Variants in NPEPPS observed in about 807,000 individuals in gnomAD.
The protein encoded by NPEPPS is puromycin-sensitive aminopeptidase.
NPEPPS carries 14 observed loss-of-function variants against 115.5 expected under a neutral mutation model. The observed-to-expected ratio is 0.12, with a 90% confidence interval of 0.08 to 0.19. NPEPPS has a LOEUF of 0.19. Ranked by LOEUF, NPEPPS falls within the 10% of genes least tolerant of loss-of-function variation. The pLI, the probability that NPEPPS is intolerant of heterozygous loss-of-function variation, is 1.00. For synonymous variants in NPEPPS, 285 were observed against 390.6 expected, an observed-to-expected ratio of 0.73 and a Z score of 3.19; for missense variants, 523 against 1,110.8, an observed-to-expected ratio of 0.47 and a Z score of 7.52.
intron 2 of NPEPPS, among the ~76,000 whole-genome samples, chr17:47,566,621 T>A (rs1910836108): frequency 6.6e-6 from 1 of 150,700 alleles, no homozygotes; most frequent in South Asian, 2.1e-4. Context: ...TGCCTCAGCC[T>A]CCCAAGTAGC....
intron 1 of NPEPPS, among the ~76,000 whole-genome samples, chr17:47,534,722 T>C (rs1304357280): frequency 6.6e-6 from 1 of 151,664 alleles, no homozygotes; most frequent in Non-Finnish European, 1.5e-5. Context: ...GTGTGTGCCA[T>C]CACGCCCAAC....
intron 3 of NPEPPS, among the ~76,000 whole-genome samples, chr17:47,577,588 G>T (rs1395627097): frequency 1.3e-5 from 2 of 151,944 alleles, no homozygotes; most frequent in African/African-American, 4.8e-5. Flanking sequence ...AAAGAAAAAA[G>T]TATTCATTGT....
intron 19 of NPEPPS, among the ~76,000 whole-genome samples, chr17:47,618,035 G>A (rs1352980713): frequency 6.6e-6 from 1 of 151,702 alleles, no homozygotes; most frequent in East Asian, 1.9e-4. Flanking sequence ...CACCACGCCC[G>A]GCTAATTTTT....
intron 2 of NPEPPS, among the ~76,000 whole-genome samples, chr17:47,565,039 C>T (rs1487412931): frequency 6.6e-6 from 1 of 152,064 alleles, no homozygotes; most frequent in East Asian, 1.9e-4. Flanking sequence ...ACACTATGTG[C>T]CAGAAACTGC....
chr17:47,595,488 C>T (rs917907406), intron 12 of NPEPPS, among the ~76,000 whole-genome samples: 4 of 152,158 alleles, frequency 2.6e-5, no homozygotes, highest in African/African-American at 9.7e-5. Flanking sequence ...ATCTGTTTAT[C>T]TTTTATTATA....
chr17:47,611,575 C>T (rs1206102241), intron 17 of NPEPPS, among the ~76,000 whole-genome samples: 4 of 152,086 alleles, frequency 2.6e-5, no homozygotes, highest in African/African-American at 7.2e-5. Context: ...TGGGCTCAAG[C>T]GATCCTCCCT....
At position 47,593,284 on chromosome 17, in the gene NPEPPS, G is replaced by A. The variant is rs112846668; in HGVS notation, c.1426+739G>A. Among the ~76,000 whole-genome samples, 6 of 152,142 alleles carry A rather than the reference G, an allele frequency of 3.9e-5. 1 individual carries two copies. The South Asian group carries it at 8.3e-4, about 21-fold the overall frequency. ...TTTGCCAACTTAAAGAGTCTGGGCC[G>A]GGTGTGGTGGCTCACGCCTGTAATC... On this transcript the variant is annotated intron_variant, in intron 12 of 22. Transcript: ENST00000322157.
chr17:47,553,397 T>C (rs1181264864), intron 2 of NPEPPS, among the ~76,000 whole-genome samples: 1 of 151,840 alleles, frequency 6.6e-6, no homozygotes, highest in East Asian at 1.9e-4. Flanking sequence ...CCAGTAATTA[T>C]GATTCATTCT....
upstream of NPEPPS, among the ~76,000 whole-genome samples, chr17:47,530,395 C>A (rs1158699243): frequency 3.9e-5 from 5 of 128,040 alleles, 1 homozygote; most frequent in South Asian, 1.2e-3. Flanking sequence ...CTTGCTCTGT[C>A]GCCCAGGCTG....
chr17:47,530,536 T>C (rs544095873), upstream of NPEPPS, among the ~76,000 whole-genome samples: 4 of 151,310 alleles, frequency 2.6e-5, no homozygotes, highest in South Asian at 8.3e-4. Context: ...TTTTGTACTT[T>C]TAGTAGAGAC....
At chr17:47,592,580 A>C (rs1166435228) in intron 12 of NPEPPS, 35 bp downstream of exon 12, 1 of 1,543,268 alleles carries the variant, frequency 6.5e-7, no homozygotes, top group African/African-American at 1.4e-5. Flanking sequence ...AAATGGAGAG[A>C]AAGTATTGTC....
chr17:47,618,376 A>G lies in NPEPPS; in HGVS notation c.2322A>G (p.Glu774=). 1 of 1,613,396 alleles carries G rather than the reference A, an allele frequency of 6.2e-7. No homozygotes were observed. ...TTCATAAACAAGCAGATATGCAAGA[A>G]GAGAAAAACCGAATCGAAAGAGTCC... ...LKLHKQADMQ[E]EKNRIERVLG... Residue 774 remains glutamate, a synonymous_variant, in exon 20 of 23, where the codon GAA becomes GAG. Transcript: ENST00000322157.
At chr17:47,599,860 C>G in intron 14 of NPEPPS, 121 bp downstream of exon 14, 2 of 793,032 alleles carry the variant, frequency 2.5e-6, no homozygotes, top group South Asian at 3.4e-5. Flanking sequence ...CTCTGTCGCC[C>G]AGGCTCGAGT....
rs935124777 is a variant in NPEPPS, at chr17:47,531,120, C to T, written c.-181C>T. On this transcript the variant is annotated 5_prime_UTR_variant, in exon 1 of 23. Coordinates refer to ENST00000322157, the MANE Select transcript of NPEPPS (RefSeq NM_006310.4). ...AGCCGCCGCCACCACTTCCCCCTCTCCCTCCCTCCTTGCGGGCCCTCCTCC... is the reference window on the plus strand; with the variant it reads ...AGCCGCCGCCACCACTTCCCCCTCTTCCTCCCTCCTTGCGGGCCCTCCTCC... 3.5e-5 allele frequency: 30 copies of T among 852,566 alleles called. No individual in the cohort carries two copies. The African/African-American group carries it at 5.1e-4, about 15-fold the overall frequency. 52.8% of individuals were successfully genotyped at this position (852,566 alleles called of 1,614,324 possible). A position where few individuals can be genotyped will look rare whatever the true frequency, so the allele number is the denominator to read the frequency against.
At chr17:47,621,737 T>C (rs1233801008) in intron 22 of NPEPPS, 31 bp from the exon 23 acceptor site, 2 of 1,578,292 alleles carry the variant, frequency 1.3e-6, no homozygotes, top group African/African-American at 2.7e-5. Flanking sequence ...TTGCTAGTAA[T>C]GATCCTGCAT....
chr17:47,613,837 T>TATG lies in NPEPPS; in HGVS notation c.2295+112_2295+113insATG, dbSNP rs1914024635. 3 of 710,174 alleles carry TATG rather than the reference T, an allele frequency of 4.2e-6. No individual in the cohort carries two copies. In the African/African-American group the frequency reaches 5.4e-5, roughly 13 times the overall value. The allele number at this position is 710,174 out of a possible 1,614,324, so 44.0% of individuals were successfully genotyped here. A position where few individuals can be genotyped will look rare whatever the true frequency, so the allele number is the denominator to read the frequency against. On this transcript the variant is annotated intron_variant, in intron 19 of 22. Transcript: ENST00000322157. Reference sequence around the variant, plus strand: ...AGTCCTAGAAAAGAAAGATGCATATTGTAGACATGCAAGTATTTTAAAACT... The same window carrying TATG: ...AGTCCTAGAAAAGAAAGATGCATATTATGGTAGACATGCAAGTATTTTAAAACT...
At chr17:47,577,403 T>C (rs996221545) in intron 3 of NPEPPS, among the ~76,000 whole-genome samples, 1 of 152,124 alleles carries the variant, frequency 6.6e-6, no homozygotes, top group Non-Finnish European at 1.5e-5. Flanking sequence ...GCAAACTTTA[T>C]TAATGTGAAT....
chr17:47,610,687 GCT>G (rs1182743146), intron 17 of NPEPPS, among the ~76,000 whole-genome samples: 3 of 151,004 alleles, frequency 2.0e-5, no homozygotes, highest in Non-Finnish European at 4.4e-5. Context: ...CAGACCCCCG[GCT>G]CTCTTTTATA....
At chr17:47,584,236 A>AT (rs1183361464) in intron 5 of NPEPPS, among the ~76,000 whole-genome samples, 1 of 151,996 alleles carries the variant, frequency 6.6e-6, no homozygotes, top group East Asian at 1.9e-4. Flanking sequence ...AAAAAAAAAA[A>AT]AAAGGTTGCA....
Sources: gnomAD v4.1 joint callset for allele counts (sites outside exome capture counted in the v4.1 genomes callset) on GRCh38, gnomAD v4.1.1 for gene constraint, MANE v1.5 for transcripts, NCBI Gene and HGNC (gene_info 2026-07-23, HGNC 2026-07-21) for gene names.